PAPPA: variants seen among roughly 807,000 people sequenced by gnomAD.
PAPPA encodes the protein pappalysin 1, also known as pappalysin-1.
Under a neutral mutation model 164.0 loss-of-function variants are expected in PAPPA, and 60 were observed. That is an observed-to-expected ratio of 0.37 (90% CI 0.30 to 0.45). The LOEUF is 0.45. Among genes scored for constraint, PAPPA ranks in the 20% least tolerant of loss-of-function variants. The pLI is 1.00. For synonymous variants in PAPPA, 875 were observed against 814.1 expected, an observed-to-expected ratio of 1.07 and a Z score of -1.27; for missense variants, 1,782 against 2,087.3, an observed-to-expected ratio of 0.85 and a Z score of 2.85.
At chr9:116,373,581 CAT>C (rs1305288452) in intron 19 of PAPPA, 2 of 152,054 alleles carry the variant, frequency 1.3e-5, no homozygotes, top group African/African-American at 2.4e-5. Context: ...TGCTTTCTCA[CAT>C]GTCTTTGGCT....
intron 1 of PAPPA, among the ~76,000 whole-genome samples, chr9:116,183,486 T>TCTG (rs539571186): frequency 1.1e-3 from 161 of 152,318 alleles, no homozygotes; most frequent in African/African-American, 3.7e-3. Context: ...AGCTCAGATC[T>TCTG]CTGGTGCCAA....
intron 7 of PAPPA, among the ~76,000 whole-genome samples, chr9:116,254,781 C>CAAAAA (rs143327103): frequency 5.0e-5 from 3 of 60,348 alleles, no homozygotes; most frequent in Admixed American, 1.8e-4. Context: ...GACTCCGTCT[C>CAAAAA]AAAAAAAAAA....
chr9:116,247,609 A>T (rs1428328697), intron 7 of PAPPA, among the ~76,000 whole-genome samples: 1 of 152,170 alleles, frequency 6.6e-6, no homozygotes, highest in Non-Finnish European at 1.5e-5. Flanking sequence ...CAAATAAATG[A>T]AGAGGAAAGA....
Position 116,389,637 on chromosome 9 carries a change from C to G in PAPPA, c.4777-6872C>G, listed in dbSNP as rs187595689. Among the ~76,000 whole-genome samples the G allele has an allele frequency of 1.3e-3, 201 of 152,190 alleles. 1 individual carries two copies. Among genetic ancestry groups the G allele is most frequent in the Middle Eastern group, 0.01 (3 of 294 alleles). ...CATCCTTCTACTTTACAGCCTTTGT[C>G]ACTGTGTCACTGGCAATTTCTTTGG... On this transcript the variant is annotated intron_variant, in intron 21 of 21. Transcript: ENST00000328252.
chr9:116,296,915 C>A (rs1002609600), intron 9 of PAPPA, among the ~76,000 whole-genome samples: 1 of 151,794 alleles, frequency 6.6e-6, no homozygotes, highest in Non-Finnish European at 1.5e-5. Context: ...AGTGCAGTGG[C>A]GTGATCTCAG....
At chr9:116,304,432 G>A (rs1347308438) in intron 10 of PAPPA, among the ~76,000 whole-genome samples, 1 of 152,200 alleles carries the variant, frequency 6.6e-6, no homozygotes, top group Non-Finnish European at 1.5e-5. Context: ...CAGTGCTGGG[G>A]CCAGCAAGAG....
At chr9:116,328,504 T>C (rs186992074) in intron 10 of PAPPA, among the ~76,000 whole-genome samples, 1 of 152,310 alleles carries the variant, frequency 6.6e-6, no homozygotes, top group East Asian at 1.9e-4. Context: ...ATGTTTCTTC[T>C]CAAGAAGTTA....
At chr9:116,320,462 G>C (rs1845840080) in intron 10 of PAPPA, among the ~76,000 whole-genome samples, 2 of 152,224 alleles carry the variant, frequency 1.3e-5, no homozygotes, top group Non-Finnish European at 2.9e-5. Flanking sequence ...TGGGAGGGAA[G>C]AAGAAGCCAT....
chr9:116,353,802 C>A lies in PAPPA; in HGVS notation c.4347+9C>A, dbSNP rs1846315913. ...ACAGTGATGCCTCCCAGGTAAGCCT[C>A]CTGGAACTTGAGATTGATACCATGG... On this transcript the variant is annotated intron_variant, in intron 17 of 21. Transcript: ENST00000328252. 6.2e-7 allele frequency: 1 copy of A among 1,607,354 alleles called. No individual in the cohort carries two copies. The highest frequency in any genetic ancestry group is 1.7e-5 in the Admixed American group (1 of 59,432).
At chr9:116,225,893 A>G (rs544926231) in intron 5 of PAPPA, among the ~76,000 whole-genome samples, 146 of 152,274 alleles carry the variant, frequency 9.6e-4, no homozygotes, top group Admixed American at 2.8e-3. Context: ...GCTTATACTG[A>G]CCAACATTAT....
At chr9:116,158,375 C>G (rs1843627557) in intron 1 of PAPPA, among the ~76,000 whole-genome samples, 1 of 152,130 alleles carries the variant, frequency 6.6e-6, no homozygotes, top group South Asian at 2.1e-4. Flanking sequence ...ATCTGTAGTC[C>G]TACCTGGGAT....
intron 21 of PAPPA, 51 bp from the exon 22 acceptor site, chr9:116,396,458 G>T (rs1846964224): frequency 3.9e-6 from 3 of 778,306 alleles, no homozygotes; most frequent in Non-Finnish European, 7.2e-6. Context: ...CTGCCTTTCT[G>T]ATCATTACTG....
intron 21 of PAPPA, among the ~76,000 whole-genome samples, chr9:116,385,602 C>A (rs1846799247): frequency 6.6e-6 from 1 of 152,214 alleles, no homozygotes; most frequent in Non-Finnish European, 1.5e-5. Context: ...ACCCCAGAAC[C>A]AGTTCTTTGC....
intron 13 of PAPPA, among the ~76,000 whole-genome samples, chr9:116,343,956 TG>T (rs1274454196): frequency 3.3e-5 from 5 of 151,642 alleles, no homozygotes; most frequent in Non-Finnish European, 7.4e-5. Context: ...TTAGCAGAGG[TG>T]GGGTTTTACC....
At chr9:116,230,795 C>T (rs80794) in intron 6 of PAPPA, among the ~76,000 whole-genome samples, 71,066 of 151,872 alleles carry the variant, frequency 0.47, 17,256 homozygotes, top group East Asian at 0.73. Flanking sequence ...AGATATTTGA[C>T]GCCATGTTTT....
intron 10 of PAPPA, among the ~76,000 whole-genome samples, chr9:116,305,134 GACACACACACACAC>G (rs57723920): frequency 3.0e-4 from 39 of 129,960 alleles, no homozygotes; most frequent in Non-Finnish European, 3.3e-4. Context: ...TGGGCACACA[GACACACACACACAC>G]ACACACACAC....
intron 1 of PAPPA, among the ~76,000 whole-genome samples, chr9:116,159,929 T>G (rs1168998786): frequency 6.6e-6 from 1 of 152,184 alleles, no homozygotes; most frequent in Non-Finnish European, 1.5e-5. Context: ...TGATCCCCTC[T>G]AAATGGTCTG....
chr9:116,354,001 A>G (rs1474867529), intron 17 of PAPPA, among the ~76,000 whole-genome samples: 1 of 152,156 alleles, frequency 6.6e-6, no homozygotes, highest in Non-Finnish European at 1.5e-5. Context: ...GAAATCATAC[A>G]TGGAATCCCA....
At chr9:116,331,953 C>T (rs1347255804) in intron 11 of PAPPA, among the ~76,000 whole-genome samples, 4 of 152,036 alleles carry the variant, frequency 2.6e-5, no homozygotes, top group South Asian at 2.1e-4. Context: ...TAGTGTGGAC[C>T]GGGACCTTTG....
Sources: allele counts gnomAD v4.1 joint callset (sites outside exome capture counted in the v4.1 genomes callset), GRCh38; gene constraint gnomAD v4.1.1; transcripts MANE v1.5; gene names NCBI Gene and HGNC (gene_info 2026-07-23, HGNC 2026-07-21).